Variants in KIAA1328 observed in about 807,000 individuals in gnomAD.
KIAA1328 encodes the protein KIAA1328.
Under a neutral mutation model 68.1 loss-of-function variants are expected in KIAA1328, and 52 were observed. That is an observed-to-expected ratio of 0.76 (90% confidence interval 0.61 to 0.96). The LOEUF (loss-of-function observed/expected upper bound fraction) is 0.96, where lower values mean the gene tolerates loss of function less well. Among genes scored for constraint, KIAA1328 ranks in the 40% least tolerant of loss-of-function variants. The probability of loss-of-function intolerance (pLI) is 0.00; values close to 1 mark genes in which losing one functional copy is unlikely to be tolerated. For synonymous variants in KIAA1328, 232 were observed against 239.4 expected (o/e 0.97, Z 0.28); for missense variants, 641 against 677.6 (o/e 0.95, Z 0.60).
intron 6 of KIAA1328, among the ~76,000 whole-genome samples, chr18:37,006,736 T>A (rs1194688311): frequency 4.6e-5 from 7 of 152,060 alleles, no homozygotes; most frequent in Non-Finnish European, 1.0e-4. Context: ...GCTTTAAAAA[T>A]TTAAGATAAT....
At chr18:37,076,247 G>A (rs1280995252) in intron 7 of KIAA1328, among the ~76,000 whole-genome samples, 5 of 152,046 alleles carry the variant, frequency 3.3e-5, no homozygotes, top group Non-Finnish European at 4.4e-5. Context: ...GGTACATAAC[G>A]AAATGAAGGC....
intron 5 of KIAA1328, among the ~76,000 whole-genome samples, chr18:36,913,678 A>G (rs1369309056): frequency 7.2e-6 from 1 of 138,758 alleles, no homozygotes; most frequent in African/African-American, 2.5e-5. Flanking sequence ...AATCCTGCTC[A>G]TTTTCCCTTT....
chr18:37,016,705 G>A (rs1568295418), intron 6 of KIAA1328, among the ~76,000 whole-genome samples: 1 of 152,074 alleles, frequency 6.6e-6, no homozygotes, highest in Non-Finnish European at 1.5e-5. Flanking sequence ...GAGATTGTGT[G>A]TTTCCAGGAA....
chr18:37,131,804 A>C (rs1349345049), intron 7 of KIAA1328, among the ~76,000 whole-genome samples: 1 of 152,120 alleles, frequency 6.6e-6, no homozygotes, highest in Non-Finnish European at 1.5e-5. Flanking sequence ...AACTAGTCAC[A>C]CTCGGGGGTA....
chr18:37,082,469 GC>G (rs1167907338), intron 7 of KIAA1328, among the ~76,000 whole-genome samples: 2 of 152,158 alleles, frequency 1.3e-5, no homozygotes, highest in African/African-American at 2.4e-5. Flanking sequence ...ACCCCGCCCG[GC>G]CCCAGGGAAT....
chr18:37,179,524 G>C (rs1291868217), intron 9 of KIAA1328, among the ~76,000 whole-genome samples: 2 of 152,010 alleles, frequency 1.3e-5, no homozygotes, highest in African/African-American at 2.4e-5. Context: ...CTATAGTACA[G>C]TTGCCTGTGC....
At position 36,829,163 on chromosome 18, in the gene KIAA1328, C is replaced by A; in HGVS notation, c.25C>A (p.Arg9Ser). 3 of 1,533,658 alleles carry A rather than the reference C, an allele frequency of 2.0e-6. No individual in the cohort carries two copies. The highest frequency in any genetic ancestry group is 2.6e-6 in the Non-Finnish European group (3 of 1,142,314). The change falls in exon 1 of 10, where the codon CGC becomes AGC. Residue 9 changes from arginine (R) to serine (S), a missense_variant. By Grantham distance (110) the Arg-to-Ser change is moderately radical. Coordinates refer to ENST00000280020, the MANE Select transcript of KIAA1328 (RefSeq NM_020776.3). ...GATGGCGGACGTGGCGGGCCCCTCC[C>A]GCCCCAGTGCCGCGGCGTTCTGGAG... MADVAGPSRPSAAAFWSRD... is the reference protein window; with the variant it reads MADVAGPSSPSAAAFWSRD...
chr18:36,834,518 A>C (rs548356225), intron 2 of KIAA1328, among the ~76,000 whole-genome samples, 163 bp downstream of exon 2: 4 of 152,244 alleles, frequency 2.6e-5, no homozygotes, highest in Non-Finnish European at 5.9e-5. Flanking sequence ...TAACCCTATT[A>C]AGGTTTGAAA....
intron 6 of KIAA1328, among the ~76,000 whole-genome samples, chr18:36,986,331 A>G (rs997476121): frequency 2.0e-5 from 3 of 152,116 alleles, no homozygotes; most frequent in African/African-American, 7.2e-5. Flanking sequence ...TTAAAAATCA[A>G]TTCAAGATGG....
chr18:36,934,088 A>G (rs1408166203), intron 5 of KIAA1328, among the ~76,000 whole-genome samples: 2 of 152,064 alleles, frequency 1.3e-5, no homozygotes, highest in African/African-American at 4.8e-5. Flanking sequence ...TCTTGCAGCT[A>G]GGATCCCAGA....
chr18:37,006,330 C>A (rs56308574), intron 6 of KIAA1328, among the ~76,000 whole-genome samples: 20,666 of 151,514 alleles, frequency 0.14, 1,752 homozygotes, highest in Admixed American at 0.18. Context: ...CTGAGTCTCA[C>A]AAAATACTGA....
chr18:37,046,720 G>A (rs566389690), intron 6 of KIAA1328, among the ~76,000 whole-genome samples: 50 of 152,162 alleles, frequency 3.3e-4, no homozygotes, highest in African/African-American at 9.6e-4. Flanking sequence ...ATTATTATCC[G>A]CAATAGATTG....
At chr18:36,974,951 A>G (rs532902337) in intron 6 of KIAA1328, among the ~76,000 whole-genome samples, 2 of 152,176 alleles carry the variant, frequency 1.3e-5, no homozygotes, top group African/African-American at 4.8e-5. Context: ...TGGAACAGCA[A>G]GTCTTGATCT....
intron 7 of KIAA1328, among the ~76,000 whole-genome samples, chr18:37,114,393 C>G (rs2058040140): frequency 6.6e-6 from 1 of 152,212 alleles, no homozygotes; most frequent in Admixed American, 6.5e-5. Flanking sequence ...ACTGAACAAC[C>G]TGCTCCTGAG....
intron 5 of KIAA1328, among the ~76,000 whole-genome samples, chr18:36,921,673 G>A (rs572902526): frequency 6.6e-6 from 1 of 152,218 alleles, no homozygotes; most frequent in Non-Finnish European, 1.5e-5. Context: ...CAAAGTGCTG[G>A]GAATACAGGC....
chr18:36,959,955 A>G (rs1294617419), intron 6 of KIAA1328, among the ~76,000 whole-genome samples: 1 of 152,238 alleles, frequency 6.6e-6, no homozygotes, highest in Non-Finnish European at 1.5e-5. Flanking sequence ...ACCAAATGGT[A>G]TGTATTATAT....
intron 6 of KIAA1328, among the ~76,000 whole-genome samples, chr18:36,992,255 T>A (rs1044754217): frequency 6.6e-6 from 1 of 152,176 alleles, no homozygotes; most frequent in African/African-American, 2.4e-5. Context: ...ATTTTTAATT[T>A]AATGGTAGTT....
At chr18:37,148,325 G>A (rs1174065759) in intron 7 of KIAA1328, among the ~76,000 whole-genome samples, 1 of 152,180 alleles carries the variant, frequency 6.6e-6, no homozygotes, top group African/African-American at 2.4e-5. Flanking sequence ...TTTTATGACT[G>A]CATAGTATTC....
intron 7 of KIAA1328, among the ~76,000 whole-genome samples, chr18:37,089,718 TTTTTC>T (rs2057216367): frequency 6.6e-6 from 1 of 152,148 alleles, no homozygotes. Context: ...AGCAAGGTAG[TTTTTC>T]TTTTCTTAAC....
Sources: gnomAD v4.1 joint callset for allele counts (sites outside exome capture counted in the v4.1 genomes callset) on GRCh38, gnomAD v4.1.1 for gene constraint, MANE v1.5 for transcripts, NCBI Gene and HGNC (gene_info 2026-07-23, HGNC 2026-07-21) for gene names.